GTF2IRD2: variants seen among roughly 807,000 people sequenced by gnomAD.
The protein encoded by GTF2IRD2 is general transcription factor II-I repeat domain-containing protein 2A.
Under a neutral mutation model 49.2 loss-of-function variants are expected in GTF2IRD2, and 8 were observed. The observed-to-expected ratio is 0.16, with a 90% CI of 0.10 to 0.29. GTF2IRD2 has a LOEUF of 0.29. GTF2IRD2 is among the 10% of genes least tolerant of loss of function. The pLI, the probability that GTF2IRD2 is intolerant of heterozygous loss-of-function variation, is 1.00. For synonymous variants in GTF2IRD2, 47 were observed against 289.7 expected, an observed-to-expected ratio of 0.16 and a Z score of 8.51; for missense variants, 130 against 725.7, an observed-to-expected ratio of 0.18 and a Z score of 9.43.
At chr7:74,822,172 G>A (rs1488811754) in intron 6 of GTF2IRD2, 6 of 354,448 alleles carry the variant, frequency 1.7e-5, no homozygotes, top group East Asian at 8.0e-5. Context: ...TCAGACACCC[G>A]AGTAGCTGGG....
intron 11 of GTF2IRD2, among the ~76,000 whole-genome samples, chr7:74,808,741 ATTT>A (rs371258922): frequency 1.6e-5 from 1 of 64,462 alleles, no homozygotes. Context: ...CTTCCCCACA[ATTT>A]TTTTTTTTTT....
At chr7:74,806,589 C>A (rs1488232526) in intron 12 of GTF2IRD2, among the ~76,000 whole-genome samples, 1 of 151,978 alleles carries the variant, frequency 6.6e-6, no homozygotes, top group Non-Finnish European at 1.5e-5. Context: ...GGATTACAGG[C>A]GTAAGCCACC....
At chr7:74,824,904 AT>A (rs1554419298) in intron 4 of GTF2IRD2, 28 bp downstream of exon 4, 19 of 884,058 alleles carry the variant, frequency 2.1e-5, no homozygotes, top group Admixed American at 1.3e-4. Flanking sequence ...AAAAAAAAAA[AT>A]AGAATTAATG....
rs2131719149 is a variant in GTF2IRD2 at position 74,822,463 on chromosome 7, A to G, written c.543-8T>C. Reference sequence around the variant, plus strand: ...TCTGGTCCTAGGAAGGGTCTGCAAGAAAAGCAACACCATTACCCAGCACGG... The same window carrying G: ...TCTGGTCCTAGGAAGGGTCTGCAAGGAAAGCAACACCATTACCCAGCACGG... On this transcript the variant is annotated splice_region_variant and splice_polypyrimidine_tract_variant and intron_variant, in intron 5 of 15. Coordinates refer to ENST00000451013, the MANE Select transcript of GTF2IRD2 (RefSeq NM_173537.5). 1.2e-6 allele frequency: 1 copy of G among 838,426 alleles called. No homozygotes were observed. The highest frequency in any genetic ancestry group is 2.6e-5 in the East Asian group (1 of 38,074). 51.9% of individuals were successfully genotyped at this position (838,426 alleles called of 1,614,324 possible).
chr7:74,831,446 C>T (rs782491021), intron 3 of GTF2IRD2, among the ~76,000 whole-genome samples: 1 of 150,936 alleles, frequency 6.6e-6, no homozygotes, highest in Non-Finnish European at 1.5e-5. Flanking sequence ...CAGACACACA[C>T]ACACACACAC....
intron 3 of GTF2IRD2, among the ~76,000 whole-genome samples, chr7:74,829,887 C>CAAAAAAAAAAAAAAAAAA (rs1554420189): frequency 3.3e-5 from 2 of 59,826 alleles, no homozygotes; most frequent in African/African-American, 1.2e-4. Flanking sequence ...GATTCTGTCT[C>CAAAAAAAAAAAAAAAAAA]AAAAAAAAAA....
At chr7:74,844,841 T>C in intron 1 of GTF2IRD2, among the ~76,000 whole-genome samples, 1 of 78,512 alleles carries the variant, frequency 1.3e-5, no homozygotes, top group East Asian at 2.4e-3. Flanking sequence ...GCACGTGCCA[T>C]CATGCCCAGC....
chr7:74,825,966 A>T (rs1554419581), intron 3 of GTF2IRD2, among the ~76,000 whole-genome samples: 1 of 151,530 alleles, frequency 6.6e-6, no homozygotes, highest in African/African-American at 2.4e-5. Flanking sequence ...ACGCCCGGCT[A>T]ATTTTTTGTA....
rs1473070018 is a variant in GTF2IRD2, at chr7:74,807,410, TG to T, written c.872-400del. 5.7e-5 allele frequency among the ~76,000 whole-genome samples: 4 copies of T among 70,780 alleles called. No homozygotes were observed. The East Asian group carries it at 6.4e-3, about 113-fold the overall frequency. 46.4% of individuals were successfully genotyped at this position (70,780 alleles called of 152,430 possible). A position where few individuals can be genotyped will look rare whatever the true frequency, so the allele number is the denominator to read the frequency against. On this transcript the variant is annotated intron_variant, in intron 11 of 15. Transcript: ENST00000451013. Reference sequence around the variant, plus strand: ...CTCGTGCCTCAGCCTCCTGAGTAGCTGGGATTACAGACACCCACCACCATGC... The same window carrying T: ...CTCGTGCCTCAGCCTCCTGAGTAGCTGGATTACAGACACCCACCACCATGC...
intron 3 of GTF2IRD2, among the ~76,000 whole-genome samples, chr7:74,826,661 A>AATC (rs1799418035): frequency 9.6e-6 from 1 of 103,856 alleles, no homozygotes; most frequent in Middle Eastern, 4.7e-3. Flanking sequence ...AATAGCCCCC[A>AATC]ATCCCATCCA....
At chr7:74,818,800 C>T (rs1202961158) in intron 8 of GTF2IRD2, 6 of 151,168 alleles carry the variant, frequency 4.0e-5, no homozygotes, top group African/African-American at 1.5e-4. Context: ...GCAAATGAGG[C>T]TCCACTGAGG....
At chr7:74,798,346 TGAC>T (rs1554416604) in intron 15 of GTF2IRD2, 81 bp from the exon 16 acceptor site, 1 of 610,254 alleles carries the variant, frequency 1.6e-6, no homozygotes, top group African/African-American at 1.9e-5. Context: ...AAATGCTTGA[TGAC>T]GCACGAGAGG....
intron 8 of GTF2IRD2, chr7:74,819,034 C>A (rs587775665): frequency 4.6e-5 from 8 of 172,282 alleles, no homozygotes; most frequent in South Asian, 1.3e-4. Flanking sequence ...AAGCAATTCT[C>A]ATGCCTCAGC....
At chr7:74,819,111 G>T in intron 8 of GTF2IRD2, 1 of 212,486 alleles carries the variant, frequency 4.7e-6, no homozygotes, top group Non-Finnish European at 9.6e-6. Context: ...TTTTAGTAGA[G>T]ACAGGGTTTT....
In GTF2IRD2 at chr7:74,796,597, A is replaced by G; in HGVS notation, c.*65T>C. 2.8e-6 allele frequency: 2 copies of G among 724,008 alleles called. No individual in the cohort carries two copies. The highest frequency in any genetic ancestry group is 5.0e-6 in the Non-Finnish European group (2 of 399,578). The allele number at this position is 724,008 out of a possible 1,614,324, so 44.8% of individuals were successfully genotyped here. A position where few individuals can be genotyped will look rare whatever the true frequency, so the allele number is the denominator to read the frequency against. On this transcript the variant is annotated 3_prime_UTR_variant, in exon 16 of 16. Coordinates refer to ENST00000451013, the MANE Select transcript of GTF2IRD2 (RefSeq NM_173537.5). ...AAAAAATTCATTTTGTCATCTCCCA[A>G]TCCCTTGGGACTAGAAGACTCCAGC...
At position 74,836,347 on chromosome 7, in the gene GTF2IRD2, AC is replaced by A; in HGVS notation, c.31del (p.Val11LeufsTer13). On this transcript the variant is annotated frameshift_variant, in exon 2 of 16. Coordinates refer to ENST00000451013, the MANE Select transcript of GTF2IRD2 (RefSeq NM_173537.5). LOFTEE classifies it high-confidence loss of function. MAQVAVSTLPVEEESSSETRM... is the reference protein window; with the variant it reads MAQVAVSTLPXEEESSSETRM... ...GGTCTCTGAGGAGGACTCTTCTTCA[AC>A]AGGCAGGGTGGACACTGCTACCTGG... is the stretch of plus-strand genomic sequence containing the variant. 1 of 1,607,902 alleles carries A rather than the reference AC, an allele frequency of 6.2e-7. No individual in the cohort carries two copies. The highest frequency in any genetic ancestry group is 1.1e-5 in the South Asian group (1 of 91,026).
chr7:74,826,091 A>C (rs1195081778), intron 3 of GTF2IRD2, among the ~76,000 whole-genome samples: 1 of 151,056 alleles, frequency 6.6e-6, no homozygotes, highest in Non-Finnish European at 1.5e-5. Context: ...CGCCAAGTAT[A>C]GTTTTCTTGC....
At chr7:74,806,060 CT>C (rs1160550931) in intron 12 of GTF2IRD2, among the ~76,000 whole-genome samples, 7 of 130,838 alleles carry the variant, frequency 5.4e-5, no homozygotes, top group East Asian at 2.3e-4. Flanking sequence ...ATGCCTGGTC[CT>C]TTTTTTTTGT....
intron 3 of GTF2IRD2, among the ~76,000 whole-genome samples, chr7:74,825,804 T>C (rs1372675460): frequency 0.022 from 90 of 4,160 alleles, no homozygotes; most frequent in Non-Finnish European, 0.02. Context: ...TCTTTCTTCT[T>C]TTTTTTTTTT....
Sources: allele counts gnomAD v4.1 joint callset (sites outside exome capture counted in the v4.1 genomes callset), GRCh38; gene constraint gnomAD v4.1.1; transcripts MANE v1.5; gene names NCBI Gene and HGNC (gene_info 2026-07-23, HGNC 2026-07-21).